Variants in RAB38 observed in about 807,000 individuals in gnomAD.
RAB38 encodes the protein RAB38, member RAS oncogene family.
A neutral mutation model predicts 18.4 loss-of-function variants in RAB38; 15 were observed. The observed-to-expected ratio is 0.82, with a 90% CI of 0.55 to 1.26. The LOEUF (loss-of-function observed/expected upper bound fraction) is 1.26, where lower values mean the gene tolerates loss of function less well. Among genes scored for constraint, RAB38 ranks in the 50% most tolerant of loss-of-function variants. The pLI is 0.00. For missense variants in RAB38, 294 were observed against 267.4 expected (o/e 1.10, Z -0.69); for synonymous variants, 101 against 104.4 (o/e 0.97, Z 0.20).
At chr11:88,062,593 GT>G in the RAB38 span, among the ~76,000 whole-genome samples, 2 of 152,252 alleles carry the variant, frequency 1.3e-5, no homozygotes, top group African/African-American at 4.8e-5. Flanking sequence ...GGTAGCACTT[GT>G]TTTTTCCTAA....
chr11:87,855,818 A>C, the RAB38 span, among the ~76,000 whole-genome samples: 1 of 150,792 alleles, frequency 6.6e-6, no homozygotes, highest in African/African-American at 2.4e-5. Context: ...AAACATAAAT[A>C]ATTCTGACAG....
At chr11:87,951,968 G>C in the RAB38 span, among the ~76,000 whole-genome samples, 1 of 152,058 alleles carries the variant, frequency 6.6e-6, no homozygotes, top group Non-Finnish European at 1.5e-5. Context: ...TGTTGCTCAC[G>C]CTGGGAGCTG....
At chr11:87,877,494 G>T in the RAB38 span, among the ~76,000 whole-genome samples, 1 of 151,354 alleles carries the variant, frequency 6.6e-6, no homozygotes, top group African/African-American at 2.4e-5. Context: ...TCTGACTCCT[G>T]TTCATCCATG....
chr11:87,914,716 C>T, the RAB38 span, among the ~76,000 whole-genome samples: 2 of 152,212 alleles, frequency 1.3e-5, no homozygotes, highest in South Asian at 4.1e-4. Context: ...TCCAGGCTGC[C>T]CCTCCCATCC....
chr11:87,858,881 C>A, the RAB38 span, among the ~76,000 whole-genome samples: 1 of 149,718 alleles, frequency 6.7e-6, no homozygotes, highest in Non-Finnish European at 1.5e-5. Flanking sequence ...TGACAGTATA[C>A]CATAAACAAG....
At chr11:87,849,455 G>A in the RAB38 span, among the ~76,000 whole-genome samples, 401 of 152,256 alleles carry the variant, frequency 2.6e-3, 3 homozygotes, top group Admixed American at 3.9e-3. Context: ...AGAGATTAGA[G>A]CTTTTGGTGG....
At chr11:87,910,415 T>C in the RAB38 span, among the ~76,000 whole-genome samples, 1 of 151,812 alleles carries the variant, frequency 6.6e-6, no homozygotes, top group Non-Finnish European at 1.5e-5. Context: ...GCCTTTTTTT[T>C]CATTCTTTTA....
At chr11:88,065,837 G>T in the RAB38 span, among the ~76,000 whole-genome samples, 8 of 152,168 alleles carry the variant, frequency 5.3e-5, no homozygotes, top group Admixed American at 3.3e-4. Context: ...TGGCACAGAG[G>T]AAAATCTCCC....
At chr11:88,027,235 T>C in the RAB38 span, among the ~76,000 whole-genome samples, 1 of 152,062 alleles carries the variant, frequency 6.6e-6, no homozygotes, top group Non-Finnish European at 1.5e-5. Flanking sequence ...GTATTTGAGA[T>C]AACGATCTCA....
chr11:88,039,585 A>C, the RAB38 span, among the ~76,000 whole-genome samples: 1 of 152,144 alleles, frequency 6.6e-6, no homozygotes, highest in Non-Finnish European at 1.5e-5. Context: ...TTCAAGTTTT[A>C]CTCATGAATT....
At chr11:87,957,429 G>GT in the RAB38 span, among the ~76,000 whole-genome samples, 5 of 152,080 alleles carry the variant, frequency 3.3e-5, no homozygotes, top group Non-Finnish European at 7.4e-5. Flanking sequence ...TTTAACCAGG[G>GT]TTTTATGTGA....
At chr11:87,849,736 C>T in the RAB38 span, among the ~76,000 whole-genome samples, 1 of 152,016 alleles carries the variant, frequency 6.6e-6, no homozygotes, top group East Asian at 1.9e-4. Flanking sequence ...CAGAAACTTC[C>T]CTGAATAAAA....
the RAB38 span, among the ~76,000 whole-genome samples, chr11:88,066,344 C>T: frequency 6.6e-6 from 1 of 152,120 alleles, no homozygotes; most frequent in Non-Finnish European, 1.5e-5. Flanking sequence ...TAGAATATAT[C>T]CTGGGTCTCA....
At chr11:87,880,585 G>A in the RAB38 span, among the ~76,000 whole-genome samples, 6 of 151,758 alleles carry the variant, frequency 4.0e-5, no homozygotes, top group Non-Finnish European at 7.4e-5. Flanking sequence ...TTCCAGTTGA[G>A]GCAGTTTATA....
the RAB38 span, among the ~76,000 whole-genome samples, chr11:87,853,298 A>C: frequency 6.6e-6 from 1 of 152,150 alleles, no homozygotes; most frequent in Non-Finnish European, 1.5e-5. Context: ...TTGGGAGGCA[A>C]TTAGGTTTAG....
the RAB38 span, among the ~76,000 whole-genome samples, chr11:87,906,211 A>G: frequency 6.6e-6 from 1 of 151,986 alleles, no homozygotes; most frequent in East Asian, 1.9e-4. Context: ...CCCACCCATG[A>G]GCATTAAAAA....
chr11:87,945,141 G>A, the RAB38 span, among the ~76,000 whole-genome samples: 6 of 152,158 alleles, frequency 3.9e-5, no homozygotes, highest in South Asian at 2.1e-4. Context: ...TACACACCAC[G>A]TTGCTGGTTT....
chr11:88,088,317 G>T, the RAB38 span, among the ~76,000 whole-genome samples: 1 of 151,940 alleles, frequency 6.6e-6, no homozygotes, highest in Non-Finnish European at 1.5e-5. Flanking sequence ...TCAAATGCAG[G>T]TTGTGGTGTC....
At chr11:87,880,814 T>A in the RAB38 span, among the ~76,000 whole-genome samples, 1 of 151,866 alleles carries the variant, frequency 6.6e-6, no homozygotes, top group Admixed American at 6.6e-5. Context: ...CACAAATAGT[T>A]AATGAGTGGG....
Sources: allele counts gnomAD v4.1 joint callset (sites outside exome capture counted in the v4.1 genomes callset), GRCh38; gene constraint gnomAD v4.1.1; transcripts MANE v1.5; gene names NCBI Gene and HGNC (gene_info 2026-07-23, HGNC 2026-07-21).